Variants in NKAIN2 observed in about 807,000 individuals in gnomAD.
The protein encoded by NKAIN2 is sodium/potassium transporting ATPase interacting 2.
In NKAIN2, 14 loss-of-function variants were observed where a neutral mutation model predicts 32.6. The ratio of observed to expected loss-of-function variants is 0.43; its 90% confidence interval spans 0.28 to 0.67. The LOEUF (loss-of-function observed/expected upper bound fraction) is 0.67. Among genes scored for constraint, NKAIN2 ranks in the 30% least tolerant of loss-of-function variants. NKAIN2 has a pLI of 0.17. For missense variants in NKAIN2, 198 were observed against 258.3 expected (o/e 0.77, Z 1.60); for synonymous variants, 80 against 87.2 (o/e 0.92, Z 0.46).
At chr6:124,061,335 CT>C (rs568706636) in intron 1 of NKAIN2, among the ~76,000 whole-genome samples, 1 of 151,964 alleles carries the variant, frequency 6.6e-6, no homozygotes, top group Non-Finnish European at 1.5e-5. Context: ...ATTATATAAT[CT>C]TTTTTATTAA....
chr6:124,780,636 C>T (rs1779220506), intron 4 of NKAIN2, among the ~76,000 whole-genome samples: 1 of 152,196 alleles, frequency 6.6e-6, no homozygotes, highest in South Asian at 2.1e-4. Flanking sequence ...TCCTTCGACA[C>T]TTTGCTATCA....
At chr6:124,518,151 C>T (rs1374458143) in intron 3 of NKAIN2, among the ~76,000 whole-genome samples, 3 of 151,824 alleles carry the variant, frequency 2.0e-5, no homozygotes, top group Non-Finnish European at 4.4e-5. Context: ...TATGCCATTA[C>T]ATTCATTACA....
chr6:124,378,657 G>T (rs1248813699), intron 3 of NKAIN2, among the ~76,000 whole-genome samples: 1 of 152,162 alleles, frequency 6.6e-6, no homozygotes, highest in African/African-American at 2.4e-5. Context: ...AGGCCCTTCA[G>T]GTTAATAATT....
chr6:124,244,179 C>T (rs1226842296), intron 1 of NKAIN2, among the ~76,000 whole-genome samples: 10 of 150,772 alleles, frequency 6.6e-5, no homozygotes, highest in African/African-American at 1.5e-4. Context: ...CATGCTGGTG[C>T]GCTGCACCCA....
intron 4 of NKAIN2, among the ~76,000 whole-genome samples, chr6:124,677,528 G>A (rs1226446485): frequency 2.0e-5 from 3 of 151,774 alleles, no homozygotes; most frequent in Non-Finnish European, 2.9e-5. Flanking sequence ...GTTACTATGA[G>A]ATTTATTTAA....
chr6:123,814,058 G>T (rs1206085415), intron 1 of NKAIN2, among the ~76,000 whole-genome samples: 3 of 152,034 alleles, frequency 2.0e-5, no homozygotes, highest in Non-Finnish European at 4.4e-5. Context: ...TCACCCAAAA[G>T]ATAGTAAATT....
At chr6:124,701,684 A>G (rs1326328228) in intron 4 of NKAIN2, among the ~76,000 whole-genome samples, 1 of 152,166 alleles carries the variant, frequency 6.6e-6, no homozygotes, top group Non-Finnish European at 1.5e-5. Flanking sequence ...AGGAGCGTAC[A>G]TACATTTACA....
intron 5 of NKAIN2, among the ~76,000 whole-genome samples, chr6:124,802,736 A>G (rs1780317463): frequency 6.6e-6 from 1 of 152,144 alleles, no homozygotes; most frequent in African/African-American, 2.4e-5. Flanking sequence ...CTGCCTGACC[A>G]TAAACACCTA....
chr6:123,907,017 G>A (rs1319327112), intron 1 of NKAIN2, among the ~76,000 whole-genome samples: 2 of 152,154 alleles, frequency 1.3e-5, no homozygotes, highest in Non-Finnish European at 2.9e-5. Flanking sequence ...TAATGCTAGT[G>A]GAGCTAGAGG....
chr6:124,611,821 G>A lies in NKAIN2; in HGVS notation c.274-46365G>A, dbSNP rs543752258. The stretch of plus-strand genomic sequence containing the variant: ...GCTAAGATCGCTTAAGTGTGACTCC[G>A]CCTTGAGGTATACATGTCGGCTAGA... On this transcript the variant is annotated intron_variant, in intron 3 of 6. Transcript: ENST00000368417. 9.9e-5 allele frequency among the ~76,000 whole-genome samples: 15 copies of A among 152,192 alleles called. No homozygotes were observed. The East Asian group carries it at 1.9e-3, about 20-fold the overall frequency.
At chr6:124,023,057 T>A (rs1268526457) in intron 1 of NKAIN2, among the ~76,000 whole-genome samples, 1 of 151,404 alleles carries the variant, frequency 6.6e-6, no homozygotes, top group Non-Finnish European at 1.5e-5. Context: ...TATGTATGTA[T>A]GTATGTATAA....
chr6:124,213,189 T>C (rs576540840), intron 1 of NKAIN2, among the ~76,000 whole-genome samples: 17 of 152,154 alleles, frequency 1.1e-4, no homozygotes, highest in Non-Finnish European at 2.1e-4. Context: ...TTGTATATTT[T>C]ATGCCATGTA....
At chr6:124,600,668 G>T (rs1048904555) in intron 3 of NKAIN2, among the ~76,000 whole-genome samples, 4 of 152,044 alleles carry the variant, frequency 2.6e-5, no homozygotes, top group African/African-American at 9.7e-5. Context: ...TTTTACAATT[G>T]CAGAATACTT....
chr6:124,014,501 A>C (rs1780478531), intron 1 of NKAIN2, among the ~76,000 whole-genome samples: 1 of 152,038 alleles, frequency 6.6e-6, no homozygotes, highest in Non-Finnish European at 1.5e-5. Context: ...GGACATTGAC[A>C]GTGTTTCCAG....
Position 124,248,899 on chromosome 6 carries a change from T to C in NKAIN2, c.55-34106T>C, listed in dbSNP as rs148413615. ...AATTACAGCAAACTTTCTCCTGTGATAGACATTATATAACCTCAAAGCGTA... is the reference window on the plus strand; with the variant it reads ...AATTACAGCAAACTTTCTCCTGTGACAGACATTATATAACCTCAAAGCGTA... On this transcript the variant is annotated intron_variant, in intron 1 of 6. Coordinates refer to ENST00000368417, the MANE Select transcript of NKAIN2 (RefSeq NM_001040214.3). Among the ~76,000 whole-genome samples the C allele has an allele frequency of 1.4e-3, 207 of 152,244 alleles. 1 individual carries two copies. The highest frequency in any genetic ancestry group is 4.5e-3 in the African/African-American group (187 of 41,576).
chr6:124,377,580 C>G (rs746324280), intron 3 of NKAIN2, among the ~76,000 whole-genome samples: 4 of 151,976 alleles, frequency 2.6e-5, no homozygotes, highest in Non-Finnish European at 5.9e-5. Context: ...GAAAATAATC[C>G]TGATAAAAAG....
At chr6:124,556,997 T>C (rs1780499947) in intron 3 of NKAIN2, among the ~76,000 whole-genome samples, 1 of 152,220 alleles carries the variant, frequency 6.6e-6, no homozygotes, top group African/African-American at 2.4e-5. Flanking sequence ...TTTTATATAA[T>C]GTAAAACTGT....
At chr6:124,321,221 C>T (rs1030105993) in intron 2 of NKAIN2, among the ~76,000 whole-genome samples, 1 of 152,148 alleles carries the variant, frequency 6.6e-6, no homozygotes, top group Non-Finnish European at 1.5e-5. Flanking sequence ...CCCATTCCCC[C>T]TTTATTCTTT....
At chr6:124,494,403 C>A (rs1777988700) in intron 3 of NKAIN2, among the ~76,000 whole-genome samples, 1 of 152,044 alleles carries the variant, frequency 6.6e-6, no homozygotes, top group South Asian at 2.1e-4. Flanking sequence ...GGCAGTATTT[C>A]AAATATAAGG....
Sources: allele counts gnomAD v4.1 joint callset (sites outside exome capture counted in the v4.1 genomes callset), GRCh38; gene constraint gnomAD v4.1.1; transcripts MANE v1.5; gene names NCBI Gene and HGNC (gene_info 2026-07-23, HGNC 2026-07-21).